MEGF6: variants seen among roughly 807,000 people sequenced by gnomAD.
MEGF6 encodes the protein multiple epidermal growth factor-like domains protein 6.
A neutral mutation model predicts 207.1 loss-of-function variants in MEGF6; 184 were observed. That is an observed-to-expected ratio of 0.89 (90% CI 0.79 to 1.00). The LOEUF is 1.00. Ranked by LOEUF, MEGF6 falls within the 50% of genes least tolerant of loss-of-function variation. MEGF6 has a pLI of 0.00. For missense variants in MEGF6, 2,282 were observed against 2,202.9 expected (o/e 1.04, Z -0.72); for synonymous variants, 1,038 against 910.0 (o/e 1.14, Z -2.53).
In MEGF6 at chr1:3,602,653, C is replaced by A. The variant is rs1384610548; in HGVS notation, c.132-53G>T. The A allele has an allele frequency of 3.2e-6, 5 of 1,559,980 alleles. No homozygotes were observed. In the Admixed American group the frequency reaches 9.0e-5, roughly 28 times the overall value. On this transcript the variant is annotated intron_variant, in intron 1 of 36. Coordinates refer to ENST00000356575, the MANE Select transcript of MEGF6 (RefSeq NM_001409.4). ...CCTCGGCCACCCCCAGCCGGCAACA[C>A]CCACCCCTCCTGCACCCCCAGCCTT...
At chr1:3,547,466 C>T (rs912790597) in intron 4 of MEGF6, among the ~76,000 whole-genome samples, 16 of 152,192 alleles carry the variant, frequency 1.1e-4, no homozygotes, top group African/African-American at 3.9e-4. Context: ...CCCCAGAGAT[C>T]GGCTGCCGTG....
intron 3 of MEGF6, among the ~76,000 whole-genome samples, chr1:3,586,743 T>A (rs1643899194): frequency 6.6e-6 from 1 of 152,152 alleles, no homozygotes. Context: ...CAGAGGGCCC[T>A]GCAGCCCCTT....
intron 4 of MEGF6, among the ~76,000 whole-genome samples, chr1:3,530,077 G>C (rs1029953482): frequency 1.3e-5 from 2 of 152,260 alleles, no homozygotes; most frequent in Non-Finnish European, 2.9e-5. Flanking sequence ...CACCCAGCCA[G>C]AGGCCTTGGA....
At chr1:3,504,431 A>G (rs1444653045) in intron 17 of MEGF6, among the ~76,000 whole-genome samples, 1 of 151,962 alleles carries the variant, frequency 6.6e-6, no homozygotes, top group Non-Finnish European at 1.5e-5. Context: ...GCTGAGCCTC[A>G]GACCAGCTTG....
rs1043916710 is a variant in MEGF6, at chr1:3,509,777, G to A, written c.1357+93C>T. 7 of 1,434,252 alleles carry A rather than the reference G, an allele frequency of 4.9e-6. No homozygotes were observed. The African/African-American group carries it at 8.7e-5, about 18-fold the overall frequency. The allele number at this position is 1,434,252 out of a possible 1,614,324, so 88.8% of individuals were successfully genotyped here. A position where few individuals can be genotyped will look rare whatever the true frequency, so the allele number is the denominator to read the frequency against. Reference sequence around the variant, plus strand: ...GGGGCAAAGGACCCCAGGCAGGTGGGGGTGGGGTGGGCCAGGCCTGCGGGA... The same window carrying A: ...GGGGCAAAGGACCCCAGGCAGGTGGAGGTGGGGTGGGCCAGGCCTGCGGGA... On this transcript the variant is annotated intron_variant, in intron 11 of 36. Transcript: ENST00000356575.
At chr1:3,490,890 G>C (rs1198222479) in intron 36 of MEGF6, 22 bp downstream of exon 36, 2 of 1,574,918 alleles carry the variant, frequency 1.3e-6, no homozygotes, top group African/African-American at 2.7e-5. Context: ...GCAAGCCCAC[G>C]GGCATTCCCC....
chr1:3,557,006 C>T (rs1316481952), intron 4 of MEGF6, among the ~76,000 whole-genome samples: 1 of 152,120 alleles, frequency 6.6e-6, no homozygotes, highest in African/African-American at 2.4e-5. Flanking sequence ...GCGGGGAAGG[C>T]AGGAGGGAAG....
intron 8 of MEGF6, 82 bp downstream of exon 8, chr1:3,511,924 T>C: frequency 6.3e-7 from 1 of 1,593,020 alleles, no homozygotes; most frequent in Non-Finnish European, 8.5e-7. Flanking sequence ...GCCCTGCCCT[T>C]CAGCCAAAGC....
chr1:3,499,008 G>C (rs978986990), intron 24 of MEGF6, 130 bp downstream of exon 24: 9 of 1,430,720 alleles, frequency 6.3e-6, no homozygotes, highest in Non-Finnish European at 7.5e-6. Flanking sequence ...ACAGGTGAAA[G>C]GCACGGTCCT....
chr1:3,509,625 T>A (rs569404406), intron 11 of MEGF6, among the ~76,000 whole-genome samples: 1 of 152,250 alleles, frequency 6.6e-6, no homozygotes, highest in South Asian at 2.1e-4. Flanking sequence ...TCCGGGAGGA[T>A]GCCTGTCTCA....
chr1:3,505,103 C>A (rs970772934), intron 17 of MEGF6, 105 bp downstream of exon 17: 4 of 1,474,388 alleles, frequency 2.7e-6, no homozygotes, highest in Non-Finnish European at 3.6e-6. Context: ...CAAAGGGGGC[C>A]GATAGTGACA....
chr1:3,561,212 T>C (rs1643190432), intron 4 of MEGF6, among the ~76,000 whole-genome samples: 1 of 151,898 alleles, frequency 6.6e-6, no homozygotes, highest in Admixed American at 6.6e-5. Flanking sequence ...CTCCAGGCAA[T>C]GGGCAAGGGA....
intron 5 of MEGF6, among the ~76,000 whole-genome samples, chr1:3,522,958 C>T (rs1459733998): frequency 6.6e-6 from 1 of 152,220 alleles, no homozygotes; most frequent in Admixed American, 6.5e-5. Flanking sequence ...CCCCCGTCTC[C>T]GTTGTCCGGA....
rs756738275 is a variant in MEGF6, at chr1:3,505,456, G to C, written c.2019C>G (p.Cys673Trp). The stretch of plus-strand genomic sequence containing the variant: ...AGCGCTCGCCCCGGAAGCCAGCCTT[G>C]CAGGAGCAGCTGCCATCCCTCTTGT... ...SCDKRDGSCS[C>W]KAGFRGERCQ... Residue 673 changes from cysteine (C) to tryptophan (W), a missense_variant, in exon 16 of 37, where the codon TGC becomes TGG. Transcript: ENST00000356575. 8.7e-6 allele frequency: 14 copies of C among 1,601,652 alleles called. No individual in the cohort carries two copies. The highest frequency in any genetic ancestry group is 1.2e-5 in the Non-Finnish European group (14 of 1,174,290).
intron 1 of MEGF6, among the ~76,000 whole-genome samples, chr1:3,609,835 T>A (rs541078777): frequency 1.6e-4 from 24 of 152,254 alleles, no homozygotes; most frequent in Non-Finnish European, 2.5e-4. Context: ...CACAGTGCAC[T>A]GGTGGCAGAG....
intron 4 of MEGF6, among the ~76,000 whole-genome samples, chr1:3,553,446 G>A (rs1642944849): frequency 6.6e-6 from 1 of 152,166 alleles, no homozygotes. Context: ...GAGCTGACGA[G>A]GAGGGGGAGC....
chr1:3,509,222 G>A lies in MEGF6; in HGVS notation c.1381C>T (p.Leu461=). The stretch of plus-strand genomic sequence containing the variant: ...CGCACGAAAGGCAGCTCGCCGTCCA[G>A]GTCCACCATCGGCTCCTCCAGGGCT... The part of the protein sequence containing the change: ...CSPLEEPMVD[L]DGELPFVRPL... The change falls in exon 12 of 37, where the codon CTG becomes TTG. Residue 461 remains leucine (L), a synonymous_variant. Coordinates refer to ENST00000356575, the MANE Select transcript of MEGF6 (RefSeq NM_001409.4). 1 of 1,538,930 alleles carries A rather than the reference G, an allele frequency of 6.5e-7. No individual in the cohort carries two copies. The highest frequency in any genetic ancestry group is 8.8e-7 in the Non-Finnish European group (1 of 1,140,842).
upstream of MEGF6, among the ~76,000 whole-genome samples, chr1:3,615,831 G>A (rs192446122): frequency 3.5e-4 from 54 of 152,292 alleles, no homozygotes; most frequent in Non-Finnish European, 6.5e-4. Context: ...CAGGCCTGGT[G>A]GGGCACCCAG....
At chr1:3,599,538 G>A (rs1204439133) in intron 2 of MEGF6, among the ~76,000 whole-genome samples, 1 of 152,258 alleles carries the variant, frequency 6.6e-6, no homozygotes, top group Non-Finnish European at 1.5e-5. Context: ...CAGGCACACT[G>A]CAGGCACAGC....
Sources: gnomAD v4.1 joint callset for allele counts (sites outside exome capture counted in the v4.1 genomes callset) on GRCh38, gnomAD v4.1.1 for gene constraint, MANE v1.5 for transcripts, NCBI Gene and HGNC (gene_info 2026-07-23, HGNC 2026-07-21) for gene names.